The following ADAMTS6 variants were observed in gnomAD, a reference collection of about 807,000 sequenced individuals.
ADAMTS6 encodes the protein ADAM metallopeptidase with thrombospondin type 1 motif 6.
A neutral mutation model predicts 144.3 loss-of-function variants in ADAMTS6; 23 were observed. The ratio of observed to expected loss-of-function variants is 0.16; its 90% CI spans 0.11 to 0.23. The LOEUF is 0.23. Among genes scored for constraint, ADAMTS6 ranks in the 10% least tolerant of loss-of-function variants. The pLI, the probability that ADAMTS6 is intolerant of heterozygous loss-of-function variation, is 1.00. For missense variants in ADAMTS6, 999 were observed against 1,379.6 expected, an observed-to-expected ratio of 0.72 and a Z score of 4.37; for synonymous variants, 444 against 457.5, an observed-to-expected ratio of 0.97 and a Z score of 0.38.
At chr5:65,274,119 T>C (rs1429401788) in intron 11 of ADAMTS6, among the ~76,000 whole-genome samples, 6 of 152,184 alleles carry the variant, frequency 3.9e-5, no homozygotes, top group Non-Finnish European at 8.8e-5. Flanking sequence ...TCCTTTCCTA[T>C]GATTTTCCAT....
rs772155317 is a variant in ADAMTS6 at position 65,177,704 on chromosome 5, CAATTAAAACAG to C, written c.2911-4707_2911-4697del. On this transcript the variant is annotated intron_variant, in intron 22 of 24. Coordinates refer to ENST00000381055, the MANE Select transcript of ADAMTS6 (RefSeq NM_197941.4). ...GTTAAAGACTTAAAACAAACTTTGGCAATTAAAACAGGATACCAAGATGCAAATGCCTGGTT... is the reference window on the plus strand; with the variant it reads ...GTTAAAGACTTAAAACAAACTTTGGCGATACCAAGATGCAAATGCCTGGTT... Among the ~76,000 whole-genome samples the C allele has an allele frequency of 6.5e-3, 991 of 152,296 alleles. 6 individuals carry two copies. Among genetic ancestry groups the C allele is most frequent in the Non-Finnish European group, 6.3e-3 (432 of 68,032 alleles).
At chr5:65,339,135 T>A (rs1415748030) in intron 7 of ADAMTS6, among the ~76,000 whole-genome samples, 1 of 152,116 alleles carries the variant, frequency 6.6e-6, no homozygotes, top group Non-Finnish European at 1.5e-5. Context: ...ACCATGTGCA[T>A]ACATTTCTGA....
intron 9 of ADAMTS6, among the ~76,000 whole-genome samples, chr5:65,327,675 CCAA>C (rs746293055): frequency 3.3e-5 from 5 of 152,026 alleles, no homozygotes; most frequent in Non-Finnish European, 7.4e-5. Flanking sequence ...ACCTATAAGG[CCAA>C]CAACAACAAC....
chr5:65,421,460 T>C (rs1011711424), intron 7 of ADAMTS6, among the ~76,000 whole-genome samples: 3 of 152,208 alleles, frequency 2.0e-5, no homozygotes, highest in Admixed American at 6.5e-5. Context: ...GGTTTTCCTT[T>C]ATAGGTTACC....
At chr5:65,273,807 A>G (rs146302513) in intron 11 of ADAMTS6, among the ~76,000 whole-genome samples, 1 of 152,202 alleles carries the variant, frequency 6.6e-6, no homozygotes, top group South Asian at 2.1e-4. Flanking sequence ...CAATAATACA[A>G]ACTTACCAAT....
rs150020557 is a variant in ADAMTS6 at position 65,274,405 on chromosome 5, A to G, written c.1513-958T>C. On this transcript the variant is annotated intron_variant, in intron 11 of 24. Coordinates refer to ENST00000381055, the MANE Select transcript of ADAMTS6 (RefSeq NM_197941.4). ...ACTTAGTATAATATATATTTATAAT[A>G]AAAATGATTATCTGAAATGCAAAAG... 4.9e-3 allele frequency among the ~76,000 whole-genome samples: 747 copies of G among 152,156 alleles called. 4 individuals carry two copies. Among genetic ancestry groups the G allele is most frequent in the South Asian group, 0.014 (68 of 4,830 alleles).
chr5:65,213,316 T>C (rs889188743), intron 20 of ADAMTS6, among the ~76,000 whole-genome samples: 3 of 152,224 alleles, frequency 2.0e-5, no homozygotes, highest in Non-Finnish European at 4.4e-5. Context: ...GAGTTGTAGT[T>C]AATCATTGCT....
chr5:65,268,800 T>G (rs1467735881), intron 12 of ADAMTS6, among the ~76,000 whole-genome samples: 1 of 152,248 alleles, frequency 6.6e-6, no homozygotes, highest in Non-Finnish European at 1.5e-5. Context: ...TTTGTGGAAC[T>G]GCGCCCCTGG....
intron 20 of ADAMTS6, among the ~76,000 whole-genome samples, chr5:65,199,010 A>G (rs1369971799): frequency 1.2e-4 from 19 of 152,126 alleles, no homozygotes. Flanking sequence ...TACCTCTACC[A>G]TTAGTCATAG....
At chr5:65,461,408 T>C (rs558543828) in intron 3 of ADAMTS6, among the ~76,000 whole-genome samples, 1 of 152,352 alleles carries the variant, frequency 6.6e-6, no homozygotes, top group East Asian at 1.9e-4. Flanking sequence ...CCATAGAAAG[T>C]GTCCCACATG....
chr5:65,399,195 G>T (rs1753711475), intron 7 of ADAMTS6, among the ~76,000 whole-genome samples: 1 of 152,212 alleles, frequency 6.6e-6, no homozygotes, highest in African/African-American at 2.4e-5. Context: ...GGCAGAGGTT[G>T]CAGTGAGCCG....
chr5:65,431,070 T>C (rs1392627648), intron 7 of ADAMTS6, among the ~76,000 whole-genome samples: 2 of 152,174 alleles, frequency 1.3e-5, no homozygotes, highest in Non-Finnish European at 2.9e-5. Context: ...TAAATGTTTG[T>C]TGAGTGTCTC....
intron 9 of ADAMTS6, among the ~76,000 whole-genome samples, chr5:65,319,717 AAGGGAGGGAGGG>A (rs1208298583): frequency 5.1e-4 from 7 of 13,662 alleles, no homozygotes; most frequent in African/African-American, 2.5e-3. Flanking sequence ...GGAGGGAGGG[AAGGGAGGGAGGG>A]AGGGAGGGAG....
chr5:65,258,251 G>T (rs191768086), intron 14 of ADAMTS6, among the ~76,000 whole-genome samples: 1 of 152,112 alleles, frequency 6.6e-6, no homozygotes, highest in Non-Finnish European at 1.5e-5. Flanking sequence ...AAGGTGAGGC[G>T]AGAGAGTTAA....
intron 7 of ADAMTS6, among the ~76,000 whole-genome samples, chr5:65,362,684 A>G (rs16893732): frequency 0.046 from 7,008 of 152,274 alleles, 207 homozygotes; most frequent in East Asian, 0.11. Flanking sequence ...ATTGGGCTCA[A>G]TTCTTTCCAT....
chr5:65,409,045 C>T (rs200187072), intron 7 of ADAMTS6, among the ~76,000 whole-genome samples: 1 of 152,098 alleles, frequency 6.6e-6, no homozygotes, highest in East Asian at 1.9e-4. Flanking sequence ...CAAGAGAAAG[C>T]AGGAAAGATC....
At chr5:65,259,222 A>ATATATAT (rs200053496) in intron 14 of ADAMTS6, among the ~76,000 whole-genome samples, 178 of 144,366 alleles carry the variant, frequency 1.2e-3, no homozygotes, top group African/African-American at 4.4e-3. Flanking sequence ...TATATATATA[A>ATATATAT]AATTAGCCAG....
intron 7 of ADAMTS6, among the ~76,000 whole-genome samples, chr5:65,387,407 A>T (rs1356013297): frequency 1.3e-5 from 2 of 152,218 alleles, no homozygotes; most frequent in Non-Finnish European, 2.9e-5. Context: ...TTCTATATCC[A>T]GCACAGGACT....
At chr5:65,369,075 C>G (rs1246426616) in intron 7 of ADAMTS6, among the ~76,000 whole-genome samples, 3 of 151,762 alleles carry the variant, frequency 2.0e-5, no homozygotes, top group African/African-American at 7.3e-5. Context: ...TAAAAACTAG[C>G]CAGTTTTGGT....
Sources: allele counts gnomAD v4.1 joint callset (sites outside exome capture counted in the v4.1 genomes callset), GRCh38; gene constraint gnomAD v4.1.1; transcripts MANE v1.5; gene names NCBI Gene and HGNC (gene_info 2026-07-23, HGNC 2026-07-21).